GLOD4: variants seen among roughly 807,000 people sequenced by gnomAD.
The protein encoded by GLOD4 is glyoxalase domain containing 4.
Under a neutral mutation model 39.1 loss-of-function variants are expected in GLOD4, and 44 were observed. That is an observed-to-expected ratio of 1.13 (90% CI 0.88 to 1.45). GLOD4 has a LOEUF of 1.45. Among genes scored for constraint, GLOD4 ranks in the 40% most tolerant of loss-of-function variants. The pLI is 0.00. For missense variants in GLOD4, 405 were observed against 366.4 expected, an observed-to-expected ratio of 1.11 and a Z score of -0.86; for synonymous variants, 145 against 135.0, an observed-to-expected ratio of 1.07 and a Z score of -0.52.
intron 8 of GLOD4, among the ~76,000 whole-genome samples, chr17:762,694 C>T (rs993241089): frequency 2.0e-5 from 3 of 151,044 alleles, no homozygotes; most frequent in South Asian, 2.1e-4. Context: ...ATCCAGGCCC[C>T]GGCCTGCACC....
chr17:768,353 A>G (rs143944861), intron 8 of GLOD4, among the ~76,000 whole-genome samples: 23,239 of 143,326 alleles, frequency 0.16, 1 homozygote, highest in Non-Finnish European at 0.22. Context: ...AACAGCGCGC[A>G]CTCAGATTTT....
intron 8 of GLOD4, among the ~76,000 whole-genome samples, chr17:768,496 G>A (rs547292969): frequency 2.8e-5 from 4 of 142,514 alleles, no homozygotes; most frequent in East Asian, 4.5e-4. Flanking sequence ...TGGAGAGGAC[G>A]TGAGAGAGAG....
At chr17:770,549 A>G (rs1472018811) in intron 5 of GLOD4, 42 bp from the exon 6 acceptor site, 4 of 875,386 alleles carry the variant, frequency 4.6e-6, no homozygotes, top group African/African-American at 1.6e-5. Flanking sequence ...CAGGTTATAC[A>G]TTCATTACAC....
chr17:760,550 G>A lies in GLOD4; in HGVS notation c.832-312C>T, dbSNP rs1205914668. On this transcript the variant is annotated intron_variant, in intron 8 of 8. Coordinates refer to ENST00000301329, the MANE Select transcript of GLOD4 (RefSeq NM_016080.4). Reference sequence around the variant, plus strand: ...CAGGAAGTGTGGCTGGCGGACCAACGAGGTCAGGGACCCGCATGCCAGGCG... The same window carrying A: ...CAGGAAGTGTGGCTGGCGGACCAACAAGGTCAGGGACCCGCATGCCAGGCG... Among the ~76,000 whole-genome samples the A allele has an allele frequency of 2.0e-5, 3 of 152,162 alleles. No homozygotes were observed. The East Asian group carries it at 5.8e-4, about 29-fold the overall frequency.
At chr17:780,142 C>T (rs1429586756) in intron 1 of GLOD4, among the ~76,000 whole-genome samples, 2 of 151,432 alleles carry the variant, frequency 1.3e-5, no homozygotes, top group Admixed American at 6.6e-5. Flanking sequence ...CCAGCCTGGG[C>T]GAAAGAGCGA....
chr17:775,976 A>G (rs1449708137), intron 3 of GLOD4, 57 bp from the exon 4 acceptor site: 4 of 1,474,158 alleles, frequency 2.7e-6, no homozygotes, highest in African/African-American at 1.4e-5. Flanking sequence ...TTTACAGAAC[A>G]AGACAATGAG....
intron 4 of GLOD4, among the ~76,000 whole-genome samples, chr17:772,527 C>G (rs1481758730): frequency 1.3e-5 from 2 of 151,988 alleles, no homozygotes; most frequent in Admixed American, 6.6e-5. Flanking sequence ...ACAATCAAAA[C>G]TAGAGTATAC....
chr17:771,086 T>C (rs574104264), intron 5 of GLOD4: 5 of 331,304 alleles, frequency 1.5e-5, no homozygotes, highest in Non-Finnish European at 1.6e-5. Context: ...TTCAATCTCT[T>C]GGATTAAGCA....
intron 4 of GLOD4, among the ~76,000 whole-genome samples, chr17:774,786 G>A (rs558932330): frequency 3.4e-4 from 52 of 152,232 alleles, no homozygotes; most frequent in African/African-American, 1.2e-3. Context: ...AAAGCAAAAA[G>A]GGCCGGGCAC....
At chr17:761,795 C>T (rs973013134) in intron 8 of GLOD4, among the ~76,000 whole-genome samples, 6 of 152,098 alleles carry the variant, frequency 3.9e-5, no homozygotes, top group Non-Finnish European at 7.4e-5. Flanking sequence ...TGAGCCATCG[C>T]GCCCGGCTGA....
intron 3 of GLOD4, among the ~76,000 whole-genome samples, chr17:776,252 C>G (rs1908927988): frequency 1.3e-5 from 2 of 152,162 alleles, no homozygotes; most frequent in Non-Finnish European, 2.9e-5. Context: ...TTTAAGGTGA[C>G]CTGTTCTTGC....
At chr17:779,852 T>A (rs1322964696) in intron 1 of GLOD4, among the ~76,000 whole-genome samples, 1 of 152,016 alleles carries the variant, frequency 6.6e-6, no homozygotes, top group Non-Finnish European at 1.5e-5. Context: ...TTCCCAACGC[T>A]TCGCTCAGAC....
intron 8 of GLOD4, 37 bp downstream of exon 8, chr17:769,832 A>C (rs751683450): frequency 8.5e-6 from 10 of 1,178,396 alleles, no homozygotes; most frequent in East Asian, 2.3e-5. Flanking sequence ...CATCCCTCTC[A>C]GGCCCATGGT....
rs1159011224 is a variant in GLOD4 at position 771,403 on chromosome 17, C to A, written c.465G>T (p.Trp155Cys). The change falls in exon 5 of 9, where the codon TGG becomes TGT. Residue 155 changes from tryptophan to cysteine, a missense_variant. Trp to Cys is a radical substitution (Grantham distance 215, BLOSUM62 -2). Transcript: ENST00000301329. The stretch of plus-strand genomic sequence containing the variant: ...AAATTTTCATTCCCAGTAGATTACA[C>A]CAGTAGTTCAAGGACTTTTGAAGAT... ...VSDLQKSLNY[W>C]CNLLGMKIYE... 11 of 1,579,476 alleles carry A rather than the reference C, an allele frequency of 7.0e-6. No homozygotes were observed. Among genetic ancestry groups the A allele is most frequent in the Non-Finnish European group, 9.6e-6 (11 of 1,150,522 alleles).
chr17:783,431 G>A, upstream of GLOD4: 1 of 1,171,524 alleles, frequency 8.5e-7, no homozygotes, highest in East Asian at 2.7e-5. Flanking sequence ...CCGCCTCTCG[G>A]GTTCAAGGGA....
chr17:771,664 T>G (rs1044295639), intron 4 of GLOD4, among the ~76,000 whole-genome samples: 1 of 152,152 alleles, frequency 6.6e-6, no homozygotes, highest in African/African-American at 2.4e-5. Flanking sequence ...GCCTAGGAAT[T>G]CAAGACCAAT....
chr17:775,547 C>T (rs1908758322), intron 4 of GLOD4, among the ~76,000 whole-genome samples: 1 of 152,170 alleles, frequency 6.6e-6, no homozygotes. Flanking sequence ...ATGAAAGAAT[C>T]ATAAATCACT....
At chr17:777,188 C>T (rs914200751) in intron 2 of GLOD4, 200 bp from the exon 3 acceptor site, 3 of 582,342 alleles carry the variant, frequency 5.2e-6, no homozygotes, top group Non-Finnish European at 9.2e-6. Context: ...AAAGACTATC[C>T]AGCATCTACC....
chr17:770,692 T>TAC (rs1491487529), intron 5 of GLOD4, 185 bp from the exon 6 acceptor site: 1 of 435,786 alleles, frequency 2.3e-6, no homozygotes, highest in Non-Finnish European at 4.0e-6. Context: ...TGCACGCATC[T>TAC]ATGTTTTTTT....
Sources: gnomAD v4.1 joint callset for allele counts (sites outside exome capture counted in the v4.1 genomes callset) on GRCh38, gnomAD v4.1.1 for gene constraint, MANE v1.5 for transcripts, NCBI Gene and HGNC (gene_info 2026-07-23, HGNC 2026-07-21) for gene names.